The following AIM2 variants were observed in gnomAD, a reference collection of about 807,000 sequenced individuals.
AIM2 encodes the protein interferon-inducible protein AIM2.
Under a neutral mutation model 27.7 loss-of-function variants are expected in AIM2, and 30 were observed. The ratio of observed to expected loss-of-function variants is 1.08; its 90% CI spans 0.81 to 1.47. The LOEUF (loss-of-function observed/expected upper bound fraction) is 1.47. Among genes scored for constraint, AIM2 ranks in the 40% most tolerant of loss-of-function variants. The probability of loss-of-function intolerance (pLI) is 0.00; values close to 1 mark genes in which losing one functional copy is unlikely to be tolerated. For synonymous variants in AIM2, 141 were observed against 145.3 expected (o/e 0.97, Z 0.21); for missense variants, 358 against 411.3 (o/e 0.87, Z 1.12).
chr1:159,145,441 C>T (rs1648184381), upstream of AIM2, among the ~76,000 whole-genome samples: 1 of 152,150 alleles, frequency 6.6e-6, no homozygotes, highest in Non-Finnish European at 1.5e-5. Flanking sequence ...CTCCTCAGTC[C>T]CCTTTCTCAT....
chr1:159,062,421 T>C (rs1655865792), downstream of AIM2: 1 of 511,428 alleles, frequency 2.0e-6, no homozygotes, highest in African/African-American at 1.9e-5. Flanking sequence ...ATATAATACA[T>C]TGATAAAGTA....
intron 1 of AIM2, among the ~76,000 whole-genome samples, chr1:159,135,728 G>A (rs866743287): frequency 3.0e-4 from 45 of 152,280 alleles, no homozygotes; most frequent in African/African-American, 1.0e-3. Context: ...TATAGATGTA[G>A]CAAAGGAAGA....
upstream of AIM2, among the ~76,000 whole-genome samples, chr1:159,077,266 T>C (rs1656644799): frequency 6.6e-6 from 1 of 152,110 alleles, no homozygotes; most frequent in Non-Finnish European, 1.5e-5. Flanking sequence ...ATAAGCACAA[T>C]GAAGGTATGG....
chr1:159,069,887 G>T (rs186127421), intron 2 of AIM2, among the ~76,000 whole-genome samples: 2 of 152,258 alleles, frequency 1.3e-5, no homozygotes, highest in East Asian at 3.9e-4. Context: ...TTTTCCTTCT[G>T]TCGAGGGGAC....
chr1:159,110,128 A>G (rs570119083), intron 1 of AIM2, among the ~76,000 whole-genome samples: 1 of 152,350 alleles, frequency 6.6e-6, no homozygotes, highest in East Asian at 1.9e-4. Flanking sequence ...TAGCAGCACA[A>G]TTTGCAATTG....
At chr1:159,146,814 T>TAG (rs1553223137) in intron 1 of AIM2, among the ~76,000 whole-genome samples, 1 of 152,158 alleles carries the variant, frequency 6.6e-6, no homozygotes, top group Non-Finnish European at 1.5e-5. Flanking sequence ...TGCTTGGACT[T>TAG]AGAGTCTTTG....
At chr1:159,061,392 C>A (rs1655828777), downstream of AIM2, among the ~76,000 whole-genome samples, 1 of 151,554 alleles carries the variant, frequency 6.6e-6, no homozygotes, top group Non-Finnish European at 1.5e-5. Flanking sequence ...ATTCTGGATA[C>A]AGGATCTTTT....
upstream of AIM2, among the ~76,000 whole-genome samples, chr1:159,080,093 C>T (rs1477366975): frequency 2.0e-5 from 3 of 152,132 alleles, no homozygotes; most frequent in South Asian, 4.1e-4. Flanking sequence ...CTGAAGAACA[C>T]GTTGGTTGCT....
At chr1:159,118,936 A>G (rs1216642123) in intron 1 of AIM2, among the ~76,000 whole-genome samples, 9 of 152,118 alleles carry the variant, frequency 5.9e-5, no homozygotes, top group Non-Finnish European at 1.3e-4. Context: ...GTTGCATATA[A>G]TGACACAGAT....
upstream of AIM2, among the ~76,000 whole-genome samples, chr1:159,078,326 C>T (rs986031518): frequency 6.6e-6 from 1 of 152,218 alleles, no homozygotes; most frequent in Non-Finnish European, 1.5e-5. Context: ...GACACAGTGC[C>T]AGGCACAGAG....
chr1:159,060,199 A>G (rs151020812), downstream of AIM2, among the ~76,000 whole-genome samples: 204 of 152,334 alleles, frequency 1.3e-3, no homozygotes, highest in African/African-American at 4.8e-3. Context: ...TTCCTTAATC[A>G]TATCATCATC....
intron 1 of AIM2, among the ~76,000 whole-genome samples, chr1:159,089,967 C>T (rs920357721): frequency 1.3e-5 from 2 of 152,284 alleles, no homozygotes; most frequent in Admixed American, 1.3e-4. Flanking sequence ...CAGGACTGCC[C>T]TATGCTGAAG....
intron 3 of AIM2, 105 bp from the exon 4 acceptor site, chr1:159,066,434 G>A (rs1656100404): frequency 8.3e-7 from 1 of 1,208,440 alleles, no homozygotes; most frequent in Non-Finnish European, 1.2e-6. Context: ...GCAGAAGATA[G>A]GTGGAATCAA....
At chr1:159,066,404 T>A in intron 3 of AIM2, 75 bp from the exon 4 acceptor site, 1 of 1,461,606 alleles carries the variant, frequency 6.8e-7, no homozygotes, top group Non-Finnish European at 9.2e-7. Context: ...TCACCTACAG[T>A]GCTAAACCTC....
At chr1:159,074,829 T>G (rs1337537249) in intron 1 of AIM2, among the ~76,000 whole-genome samples, 2 of 152,142 alleles carry the variant, frequency 1.3e-5, no homozygotes, top group African/African-American at 4.8e-5. Flanking sequence ...AAGGACCTAC[T>G]TAAGTGGGTG....
chr1:159,129,395 T>C (rs1647809437), intron 1 of AIM2, among the ~76,000 whole-genome samples: 1 of 152,198 alleles, frequency 6.6e-6, no homozygotes, highest in Non-Finnish European at 1.5e-5. Flanking sequence ...GACAACTGCA[T>C]TTGTACCTGC....
intron 1 of AIM2, among the ~76,000 whole-genome samples, chr1:159,097,994 T>C (rs1021839045): frequency 3.9e-5 from 6 of 152,162 alleles, no homozygotes; most frequent in Non-Finnish European, 7.3e-5. Context: ...AAAATCTCTA[T>C]GGTATAGTTC....
At chr1:159,084,392 G>A (rs1656849094) in intron 1 of AIM2, among the ~76,000 whole-genome samples, 1 of 152,004 alleles carries the variant, frequency 6.6e-6, no homozygotes, top group Non-Finnish European at 1.5e-5. Flanking sequence ...TGGAGAGAAA[G>A]CAACAATCTT....
intron 2 of AIM2, among the ~76,000 whole-genome samples, chr1:159,072,131 A>G (rs1218958388): frequency 6.6e-6 from 1 of 152,236 alleles, no homozygotes; most frequent in Admixed American, 6.5e-5. Flanking sequence ...ACACAGGGCA[A>G]TGTTTTGGTT....
Sources: allele counts gnomAD v4.1 joint callset (sites outside exome capture counted in the v4.1 genomes callset), GRCh38; gene constraint gnomAD v4.1.1; transcripts MANE v1.5; gene names NCBI Gene and HGNC (gene_info 2026-07-23, HGNC 2026-07-21).